ANO3: variants seen among roughly 807,000 people sequenced by gnomAD.
The protein encoded by ANO3 is anoctamin 3.
In ANO3, 99 loss-of-function variants were observed where a neutral mutation model predicts 144.8. That is an observed-to-expected ratio of 0.68 (90% confidence interval 0.58 to 0.81). ANO3 has a LOEUF of 0.81. ANO3 is among the 30% of genes least tolerant of loss of function. The pLI, the probability that ANO3 is intolerant of heterozygous loss-of-function variation, is 0.00. For missense variants in ANO3, 905 were observed against 1,202.2 expected, an observed-to-expected ratio of 0.75 and a Z score of 3.66; for synonymous variants, 414 against 392.6, an observed-to-expected ratio of 1.05 and a Z score of -0.64.
intron 1 of ANO3, among the ~76,000 whole-genome samples, chr11:26,416,255 G>A (rs1324921014): frequency 6.6e-6 from 1 of 151,998 alleles, no homozygotes; most frequent in African/African-American, 2.4e-5. Context: ...AATAATGCTA[G>A]CATAGAATTC....
intron 1 of ANO3, among the ~76,000 whole-genome samples, chr11:26,198,478 G>C (rs539410941): frequency 6.6e-6 from 1 of 152,076 alleles, no homozygotes; most frequent in Non-Finnish European, 1.5e-5. Context: ...TGGCCTTTTG[G>C]TAGAATAGAT....
At chr11:26,314,314 A>AG (rs769332221) in intron 1 of ANO3, among the ~76,000 whole-genome samples, 35 of 152,184 alleles carry the variant, frequency 2.3e-4, no homozygotes, top group Non-Finnish European at 4.4e-4. Context: ...TATGTTACTT[A>AG]ATTCAACTGT....
intron 1 of ANO3, among the ~76,000 whole-genome samples, chr11:26,390,212 C>G (rs1856838414): frequency 6.6e-6 from 1 of 152,054 alleles, no homozygotes; most frequent in Non-Finnish European, 1.5e-5. Context: ...TTTAGTGAAG[C>G]TTTACAAAAC....
rs1330901498 is a variant in ANO3 at position 26,656,371 on chromosome 11, T to G, written c.2658-5T>G. 4 of 1,581,306 alleles carry G rather than the reference T, an allele frequency of 2.5e-6. No homozygotes were observed. The Admixed American group carries it at 6.7e-5, about 27-fold the overall frequency. ...TGTCATTCTCTTTGTTTTTGTGGAT[T>G]TCAGGTACAGAGACTACAGAGGCCC... is the stretch of plus-strand genomic sequence containing the variant. On this transcript the variant is annotated splice_polypyrimidine_tract_variant and splice_region_variant and intron_variant, in intron 25 of 26. Coordinates refer to ENST00000256737, the MANE Select transcript of ANO3 (RefSeq NM_031418.4).
intron 1 of ANO3, chr11:26,287,393 C>G (rs1853833145): frequency 6.6e-6 from 1 of 152,074 alleles, no homozygotes; most frequent in African/African-American, 2.4e-5. Flanking sequence ...TTTACAACAA[C>G]CCAGTAAAGC....
intron 1 of ANO3, among the ~76,000 whole-genome samples, chr11:26,312,407 G>A (rs1025586875): frequency 6.6e-6 from 1 of 152,212 alleles, no homozygotes; most frequent in African/African-American, 2.4e-5. Flanking sequence ...CTGGATCCTT[G>A]AGGAATTGCC....
At chr11:26,637,114 G>A (rs916716497) in intron 20 of ANO3, among the ~76,000 whole-genome samples, 14 of 152,082 alleles carry the variant, frequency 9.2e-5, no homozygotes, top group African/African-American at 3.1e-4. Flanking sequence ...TGATAGACTG[G>A]CTTTAGTGCA....
intron 18 of ANO3, among the ~76,000 whole-genome samples, chr11:26,632,929 G>T (rs563306077): frequency 1.3e-5 from 2 of 152,308 alleles, no homozygotes; most frequent in African/African-American, 2.4e-5. Context: ...AGCATGACAT[G>T]TCAAAACCCG....
chr11:26,193,049 A>G (rs1851508344), intron 1 of ANO3, among the ~76,000 whole-genome samples: 1 of 150,994 alleles, frequency 6.6e-6, no homozygotes, highest in Non-Finnish European at 1.5e-5. Context: ...CGCATGCATT[A>G]GGTATTTGTC....
intron 6 of ANO3, among the ~76,000 whole-genome samples, chr11:26,517,279 A>G (rs1479989977): frequency 6.6e-6 from 1 of 152,056 alleles, no homozygotes; most frequent in Non-Finnish European, 1.5e-5. Context: ...ATAAGTGCAT[A>G]GCATTTTCTT....
At chr11:26,229,931 T>C (rs978191854) in intron 1 of ANO3, among the ~76,000 whole-genome samples, 1 of 152,198 alleles carries the variant, frequency 6.6e-6, no homozygotes, top group African/African-American at 2.4e-5. Flanking sequence ...TACTTTTATA[T>C]AGTAAAAATC....
At chr11:26,305,538 A>C (rs1202539159), upstream of ANO3, among the ~76,000 whole-genome samples, 1 of 152,052 alleles carries the variant, frequency 6.6e-6, no homozygotes, top group Non-Finnish European at 1.5e-5. Flanking sequence ...TCAGAGGAAT[A>C]GCAAATTTGA....
intron 1 of ANO3, among the ~76,000 whole-genome samples, chr11:26,368,287 GTTTT>G (rs1484619905): frequency 2.0e-5 from 3 of 152,230 alleles, no homozygotes; most frequent in Admixed American, 2.0e-4. Context: ...TGGCTCTTCA[GTTTT>G]TTACAGAGTA....
intron 14 of ANO3, among the ~76,000 whole-genome samples, chr11:26,582,730 A>T (rs1851168236): frequency 6.6e-6 from 1 of 152,110 alleles, no homozygotes. Flanking sequence ...TATACTTTTA[A>T]TTAATTATTT....
chr11:26,565,827 GA>G, intron 14 of ANO3: 11 of 1,612,606 alleles, frequency 6.8e-6, no homozygotes, highest in Non-Finnish European at 9.3e-6. Flanking sequence ...AAACAACGTT[GA>G]AATCAACAGA....
chr11:26,573,267 A>C (rs1037410724), intron 14 of ANO3, among the ~76,000 whole-genome samples: 4 of 152,146 alleles, frequency 2.6e-5, no homozygotes, highest in African/African-American at 9.7e-5. Context: ...TATAGTTTTA[A>C]ATTTTCTGAA....
At chr11:26,576,638 A>G (rs1427854056) in intron 14 of ANO3, among the ~76,000 whole-genome samples, 1 of 152,036 alleles carries the variant, frequency 6.6e-6, no homozygotes, top group Admixed American at 6.5e-5. Flanking sequence ...TTCCTGACCT[A>G]TTCTCACTCC....
At chr11:26,239,025 CTAAATA>C (rs1852595818) in intron 1 of ANO3, among the ~76,000 whole-genome samples, 1 of 140,324 alleles carries the variant, frequency 7.1e-6, no homozygotes, top group Non-Finnish European at 1.6e-5. Context: ...ATTATGTAAT[CTAAATA>C]TAAATATAAT....
At chr11:26,460,792 T>C (rs1859367132) in intron 3 of ANO3, among the ~76,000 whole-genome samples, 1 of 152,084 alleles carries the variant, frequency 6.6e-6, no homozygotes, top group Non-Finnish European at 1.5e-5. Context: ...ATAGGTTTAA[T>C]TTCTTGTGTT....
Sources: gnomAD v4.1 joint callset for allele counts (sites outside exome capture counted in the v4.1 genomes callset) on GRCh38, gnomAD v4.1.1 for gene constraint, MANE v1.5 for transcripts, NCBI Gene and HGNC (gene_info 2026-07-23, HGNC 2026-07-21) for gene names.